Variants in CRPPA observed in about 807,000 individuals in gnomAD.
The protein encoded by CRPPA is CDP-L-ribitol pyrophosphorylase A.
CRPPA carries 43 observed loss-of-function variants against 52.0 expected under a neutral mutation model. That is an observed-to-expected ratio of 0.83 (90% CI 0.65 to 1.07). The LOEUF (loss-of-function observed/expected upper bound fraction) is 1.07, where lower values mean the gene tolerates loss of function less well. CRPPA is among the 50% of genes least tolerant of loss of function. CRPPA has a pLI of 0.00. For synonymous variants in CRPPA, 250 were observed against 203.5 expected, an observed-to-expected ratio of 1.23 and a Z score of -1.94; for missense variants, 629 against 551.7, an observed-to-expected ratio of 1.14 and a Z score of -1.40.
At chr7:16,149,714 G>A (rs963637115) in intron 9 of CRPPA, among the ~76,000 whole-genome samples, 27 of 152,066 alleles carry the variant, frequency 1.8e-4, no homozygotes, top group South Asian at 4.1e-4. Flanking sequence ...GGCCAGGAGC[G>A]GGGGCTCACG....
At chr7:16,395,325 C>T (rs1428810519) in intron 2 of CRPPA, among the ~76,000 whole-genome samples, 2 of 152,130 alleles carry the variant, frequency 1.3e-5, no homozygotes, top group African/African-American at 2.4e-5. Flanking sequence ...TACTATGATG[C>T]ATCCATACAG....
chr7:16,180,409 A>C (rs78529740), intron 9 of CRPPA, among the ~76,000 whole-genome samples: 4,562 of 152,242 alleles, frequency 0.03, 111 homozygotes, highest in Middle Eastern at 0.044. Flanking sequence ...GTTATAATAC[A>C]TAATATAAGA....
intron 8 of CRPPA, among the ~76,000 whole-genome samples, chr7:16,221,274 C>T (rs1032878677): frequency 2.6e-5 from 4 of 152,254 alleles, no homozygotes; most frequent in Admixed American, 2.0e-4. Flanking sequence ...GCCTTCCTTA[C>T]ACCTTATACA....
chr7:16,254,798 AAAGAAAGAAAG>A (rs2128411123), intron 8 of CRPPA, among the ~76,000 whole-genome samples: 1 of 94,442 alleles, frequency 1.1e-5, no homozygotes, highest in Non-Finnish European at 2.7e-5. Flanking sequence ...AGAAGGAAAG[AAAGAAAGAAAG>A]AAAGAAAGAA....
intron 5 of CRPPA, among the ~76,000 whole-genome samples, chr7:16,293,853 A>G (rs1479996831): frequency 6.6e-6 from 1 of 152,002 alleles, no homozygotes; most frequent in Non-Finnish European, 1.5e-5. Context: ...ACTAAAAGTA[A>G]GGACCAGGCA....
At chr7:16,299,177 T>C (rs1784737063) in intron 5 of CRPPA, among the ~76,000 whole-genome samples, 1 of 152,176 alleles carries the variant, frequency 6.6e-6, no homozygotes, top group Admixed American at 6.5e-5. Context: ...CTATATACTA[T>C]ATTACACTTT....
chr7:16,268,169 A>T (rs1349778383), intron 6 of CRPPA, among the ~76,000 whole-genome samples: 1 of 152,134 alleles, frequency 6.6e-6, no homozygotes, highest in African/African-American at 2.4e-5. Flanking sequence ...CAAATGTGAC[A>T]ATTGTCTAGA....
chr7:16,092,205 G>C (rs1291222944), intron 9 of CRPPA, among the ~76,000 whole-genome samples: 2 of 151,966 alleles, frequency 1.3e-5, no homozygotes, highest in African/African-American at 4.8e-5. Flanking sequence ...ACCGGTATAG[G>C]GGGGAAAACC....
chr7:16,384,782 AG>A (rs1430265528), intron 2 of CRPPA, among the ~76,000 whole-genome samples: 3 of 151,322 alleles, frequency 2.0e-5, no homozygotes, highest in Admixed American at 2.0e-4. Context: ...GCATCCAAAT[AG>A]GAAAGTGATA....
chr7:16,198,946 C>A (rs1781793628), intron 9 of CRPPA, among the ~76,000 whole-genome samples: 1 of 152,194 alleles, frequency 6.6e-6, no homozygotes, highest in Admixed American at 6.5e-5. Flanking sequence ...CAACCAAACT[C>A]CATCAGCAGA....
intron 2 of CRPPA, among the ~76,000 whole-genome samples, chr7:16,379,387 C>T (rs1212879287): frequency 1.3e-5 from 2 of 152,188 alleles, no homozygotes; most frequent in African/African-American, 2.4e-5. Context: ...GTTTTGGTTA[C>T]TGTAGCCTTG....
rs1782492112 is a variant in CRPPA at position 16,221,267 on chromosome 7, T to A, written c.1120-5070A>T. ...ATGTAGAAAGCTGAAACTGGATGCC[T>A]TCCTTACACCTTATACAAAAATCAA... is the stretch of plus-strand genomic sequence containing the variant. On this transcript the variant is annotated intron_variant, in intron 8 of 9. Transcript: ENST00000407010. 2.0e-5 allele frequency among the ~76,000 whole-genome samples: 3 copies of A among 152,314 alleles called. No individual in the cohort carries two copies. In the South Asian group the frequency reaches 6.2e-4, roughly 32 times the overall value.
intron 8 of CRPPA, among the ~76,000 whole-genome samples, chr7:16,228,764 T>C (rs1446909698): frequency 6.6e-6 from 1 of 152,000 alleles, no homozygotes; most frequent in Non-Finnish European, 1.5e-5. Flanking sequence ...TGTGTACTCC[T>C]CAGCTGTTCA....
At chr7:16,381,533 T>C (rs1414099871) in intron 2 of CRPPA, among the ~76,000 whole-genome samples, 1 of 152,132 alleles carries the variant, frequency 6.6e-6, no homozygotes, top group African/African-American at 2.4e-5. Flanking sequence ...TGAGTTCAAT[T>C]CCTGGGTATC....
At chr7:16,227,939 T>C (rs1430713666) in intron 8 of CRPPA, among the ~76,000 whole-genome samples, 1 of 151,916 alleles carries the variant, frequency 6.6e-6, no homozygotes, top group African/African-American at 2.4e-5. Context: ...GATAAGGGTC[T>C]AATTCCATTC....
chr7:16,108,191 T>C (rs1439132589), intron 9 of CRPPA, among the ~76,000 whole-genome samples: 1 of 151,912 alleles, frequency 6.6e-6, no homozygotes, highest in Admixed American at 6.6e-5. Context: ...AGTAACTAAA[T>C]GTGTAATAAA....
intron 9 of CRPPA, among the ~76,000 whole-genome samples, chr7:16,198,370 C>T (rs1781781702): frequency 1.3e-5 from 1 of 74,776 alleles, no homozygotes; most frequent in Non-Finnish European, 2.5e-5. Context: ...TATATGTATG[C>T]ATATCTAAAA....
intron 8 of CRPPA, among the ~76,000 whole-genome samples, chr7:16,253,356 T>G (rs1360118863): frequency 3.9e-5 from 6 of 152,240 alleles, no homozygotes; most frequent in Non-Finnish European, 7.3e-5. Context: ...CTTCATTTTG[T>G]TATTCACCCA....
intron 9 of CRPPA, among the ~76,000 whole-genome samples, chr7:16,103,369 G>A (rs749371603): frequency 6.6e-6 from 1 of 151,910 alleles, no homozygotes; most frequent in Non-Finnish European, 1.5e-5. Context: ...CGGGTTGATG[G>A]GTGCAGCAAA....
Sources: allele counts gnomAD v4.1 joint callset (sites outside exome capture counted in the v4.1 genomes callset), GRCh38; gene constraint gnomAD v4.1.1; transcripts MANE v1.5; gene names NCBI Gene and HGNC (gene_info 2026-07-23, HGNC 2026-07-21).